CHID1: variants seen among roughly 807,000 people sequenced by gnomAD.
The protein encoded by CHID1 is chitinase domain-containing protein 1.
A neutral mutation model predicts 55.4 loss-of-function variants in CHID1; 44 were observed. The observed-to-expected ratio is 0.79, with a 90% CI of 0.62 to 1.02. The LOEUF (loss-of-function observed/expected upper bound fraction) is 1.02. Ranked by LOEUF, CHID1 falls within the 50% of genes least tolerant of loss-of-function variation. CHID1 has a pLI of 0.00. For synonymous variants in CHID1, 216 were observed against 212.9 expected, an observed-to-expected ratio of 1.01 and a Z score of -0.13; for missense variants, 491 against 515.3, an observed-to-expected ratio of 0.95 and a Z score of 0.46.
At chr11:883,094 AC>A in intron 10 of CHID1, 53 bp downstream of exon 10, 1 of 1,566,004 alleles carries the variant, frequency 6.4e-7, no homozygotes, top group South Asian at 1.2e-5. Flanking sequence ...TTACACCCAC[AC>A]CCACCCGCGC....
At chr11:890,415 C>T (rs936740949) in intron 8 of CHID1, among the ~76,000 whole-genome samples, 1 of 152,254 alleles carries the variant, frequency 6.6e-6, no homozygotes, top group South Asian at 2.1e-4. Flanking sequence ...TAGCGATGGC[C>T]GGCCCTGAAC....
chr11:883,958 A>T, intron 9 of CHID1, 110 bp downstream of exon 9: 1 of 858,742 alleles, frequency 1.2e-6, no homozygotes, highest in Non-Finnish European at 1.9e-6. Flanking sequence ...CCTTGTGCAC[A>T]GAACCACAGG....
At chr11:893,623 C>T (rs1851017949) in intron 7 of CHID1, 104 bp from the exon 8 acceptor site, 2 of 869,352 alleles carry the variant, frequency 2.3e-6, no homozygotes, top group Non-Finnish European at 3.5e-6. Flanking sequence ...GGTCCCCAGC[C>T]TGACACCCTG....
At chr11:900,439 C>T (rs1851722934) in intron 5 of CHID1, among the ~76,000 whole-genome samples, 1 of 152,214 alleles carries the variant, frequency 6.6e-6, no homozygotes. Flanking sequence ...CCAGCTCAGC[C>T]CTGTCACCTG....
chr11:910,665 A>G (rs536246295), intron 1 of CHID1, 110 bp downstream of exon 1: 2 of 1,268,490 alleles, frequency 1.6e-6, no homozygotes, highest in African/African-American at 3.2e-5. Context: ...CCGCGACCCC[A>G]CGCCCGTCCT....
chr11:904,631 A>G lies in CHID1; in HGVS notation c.111+75T>C, dbSNP rs1326518429. Reference sequence around the variant, plus strand: ...TCGAGCCTCCTGGCTCACAGGCCCCAGTGGACAGAAAGAAGAGGATGATGG... The same window carrying G: ...TCGAGCCTCCTGGCTCACAGGCCCCGGTGGACAGAAAGAAGAGGATGATGG... On this transcript the variant is annotated intron_variant, in intron 2 of 12. Transcript: ENST00000323578. The G allele has an allele frequency of 3.8e-6, 6 of 1,563,528 alleles. No homozygotes were observed. In the African/African-American group the frequency reaches 8.1e-5, roughly 21 times the overall value.
chr11:905,913 T>C (rs1016359786), intron 1 of CHID1, among the ~76,000 whole-genome samples: 8 of 152,126 alleles, frequency 5.3e-5, no homozygotes, highest in Admixed American at 2.0e-4. Context: ...TGAAGACAAA[T>C]AATAAACCAG....
At chr11:880,277 G>A (rs1041927582) in intron 10 of CHID1, among the ~76,000 whole-genome samples, 16 of 152,212 alleles carry the variant, frequency 1.1e-4, no homozygotes, top group African/African-American at 3.9e-4. Flanking sequence ...CGCCCCGCCT[G>A]ATGCCCAGGC....
chr11:883,455 G>A, intron 9 of CHID1, 152 bp from the exon 10 acceptor site: 6 of 821,556 alleles, frequency 7.3e-6, no homozygotes, highest in Non-Finnish European at 1.1e-5. Flanking sequence ...ATCAGAAAGG[G>A]CTGTCAGCAG....
chr11:883,024 C>G (rs969588858), intron 10 of CHID1, 124 bp downstream of exon 10: 1 of 1,115,358 alleles, frequency 9.0e-7, no homozygotes, highest in African/African-American at 1.6e-5. Context: ...CAGCCCCTAT[C>G]TCTGACTCTG....
chr11:904,414 G>C (rs1188359795), intron 2 of CHID1, among the ~76,000 whole-genome samples: 1 of 152,248 alleles, frequency 6.6e-6, no homozygotes. Flanking sequence ...ACGAGAGGTA[G>C]AGCATGGAAA....
chr11:870,220 C>T, intron 11 of CHID1, 57 bp from the exon 12 acceptor site: 1 of 1,608,412 alleles, frequency 6.2e-7, no homozygotes, highest in Non-Finnish European at 8.5e-7. Context: ...GCCTCCTCCC[C>T]TCACAGCCAA....
chr11:909,329 G>A (rs569613015), intron 1 of CHID1, among the ~76,000 whole-genome samples: 10 of 152,304 alleles, frequency 6.6e-5, no homozygotes, highest in Admixed American at 1.3e-4. Flanking sequence ...TGGGCAGAAC[G>A]GCCCCGCACA....
Position 884,145 on chromosome 11 carries a change from C to T in CHID1, c.726G>A (p.Thr242=), listed in dbSNP as rs763000425. ...TPGTDQLGMF[T]HKEFEQLAPV... ...GGGCCAGCTGCTCAAACTCCTTGTG[C>T]GTGAACATGCCCAGCTGGTCGGTCC... is the stretch of plus-strand genomic sequence containing the variant. Residue 242 remains threonine, a synonymous_variant, in exon 9 of 13, where the codon ACG becomes ACA. Coordinates refer to ENST00000323578, the MANE Select transcript of CHID1 (RefSeq NM_023947.4). The T allele has an allele frequency of 5.0e-6, 8 of 1,613,984 alleles. No individual in the cohort carries two copies. In the African/African-American group the frequency reaches 5.3e-5, roughly 11 times the overall value.
intron 8 of CHID1, among the ~76,000 whole-genome samples, chr11:892,702 A>T (rs969236370): frequency 3.0e-4 from 46 of 152,196 alleles, no homozygotes; most frequent in Non-Finnish European, 2.5e-4. Context: ...CTGTCCCAGC[A>T]CTGCCTTGCC....
In CHID1 at chr11:869,672, C is replaced by T. The variant is rs1849032892; in HGVS notation, c.*186G>A. ...CTCGAGCTCTCAGGGTGTCCCCCAG[C>T]TAGGACTCATCCAGGGCAGGGACCC... On this transcript the variant is annotated 3_prime_UTR_variant, in exon 13 of 13. Coordinates refer to ENST00000323578, the MANE Select transcript of CHID1 (RefSeq NM_023947.4). 6 of 617,556 alleles carry T rather than the reference C, an allele frequency of 9.7e-6. No individual in the cohort carries two copies. In the East Asian group the frequency reaches 1.4e-4, roughly 14 times the overall value. 38.3% of individuals were successfully genotyped at this position (617,556 alleles called of 1,614,324 possible).
intron 1 of CHID1, chr11:908,538 T>C: frequency 2.0e-6 from 2 of 983,912 alleles, no homozygotes; most frequent in South Asian, 4.7e-5. Context: ...CCAGAATCAC[T>C]TGCCTGGCCA....
intron 10 of CHID1, among the ~76,000 whole-genome samples, chr11:882,003 CAAAA>C (rs773102032): frequency 7.2e-5 from 4 of 55,350 alleles, no homozygotes; most frequent in Admixed American, 2.1e-4. Flanking sequence ...GACCCTGTCT[CAAAA>C]AAAAAAAAAA....
chr11:890,493 G>C (rs796989934), intron 8 of CHID1, among the ~76,000 whole-genome samples: 4 of 152,322 alleles, frequency 2.6e-5, no homozygotes, highest in African/African-American at 9.6e-5. Flanking sequence ...CTGACAACAA[G>C]GCCGGCAACG....
Sources: gnomAD v4.1 joint callset for allele counts (sites outside exome capture counted in the v4.1 genomes callset) on GRCh38, gnomAD v4.1.1 for gene constraint, MANE v1.5 for transcripts, NCBI Gene and HGNC (gene_info 2026-07-23, HGNC 2026-07-21) for gene names.